IL10RB: variants seen among roughly 807,000 people sequenced by gnomAD.
IL10RB encodes interleukin 10 receptor subunit beta, also known as interleukin-10 receptor subunit beta.
A neutral mutation model predicts 38.7 loss-of-function variants in IL10RB; 30 were observed. That is an observed-to-expected ratio of 0.78 (90% CI 0.58 to 1.05). IL10RB has a LOEUF of 1.05. Among genes scored for constraint, IL10RB ranks in the 50% least tolerant of loss-of-function variants. IL10RB has a pLI of 0.00. For synonymous variants in IL10RB, 142 were observed against 145.9 expected (o/e 0.97, Z 0.19); for missense variants, 328 against 397.1 (o/e 0.83, Z 1.48).
Position 33,266,406 on chromosome 21 carries a change from C to T in IL10RB, c.-60C>T. 1.3e-6 allele frequency: 2 copies of T among 1,523,640 alleles called. No individual in the cohort carries two copies. The highest frequency in any genetic ancestry group is 1.2e-5 in the South Asian group (1 of 83,118). 94.4% of individuals were successfully genotyped at this position (1,523,640 alleles called of 1,614,324 possible). A position where few individuals can be genotyped will look rare whatever the true frequency, so the allele number is the denominator to read the frequency against. The stretch of plus-strand genomic sequence containing the variant: ...CCGGAAGCCGCCGCGGACAAGCTCT[C>T]CCGGGCGCGGGCGGGGGTCGTGTGC... On this transcript the variant is annotated 5_prime_UTR_variant, in exon 1 of 7. Coordinates refer to ENST00000290200, the MANE Select transcript of IL10RB (RefSeq NM_000628.5).
At chr21:33,268,560 C>A in intron 2 of IL10RB, 43 bp downstream of exon 2, 1 of 1,400,518 alleles carries the variant, frequency 7.1e-7, no homozygotes, top group Non-Finnish European at 1.0e-6. Context: ...CCGGAGGAGC[C>A]AGCCCTGGGC....
chr21:33,278,331 C>G (rs897808133), intron 3 of IL10RB, among the ~76,000 whole-genome samples: 2 of 152,272 alleles, frequency 1.3e-5, no homozygotes, highest in Middle Eastern at 3.4e-3. Context: ...GCTAGGATGC[C>G]TTTCTTCCCT....
intron 2 of IL10RB, among the ~76,000 whole-genome samples, chr21:33,272,064 T>C (rs1162881637): frequency 2.0e-5 from 3 of 152,184 alleles, no homozygotes; most frequent in Non-Finnish European, 4.4e-5. Context: ...ATTTTCCAAA[T>C]GATGGGATGT....
intron 5 of IL10RB, among the ~76,000 whole-genome samples, chr21:33,287,062 G>A (rs1383422756): frequency 1.3e-5 from 2 of 152,020 alleles, no homozygotes; most frequent in African/African-American, 4.8e-5. Flanking sequence ...TGTACTTCCT[G>A]ATGATTTCAA....
intron 5 of IL10RB, among the ~76,000 whole-genome samples, chr21:33,286,019 A>T (rs1279508022): frequency 6.6e-6 from 1 of 152,290 alleles, no homozygotes; most frequent in East Asian, 1.9e-4. Flanking sequence ...AGGAGTGCTG[A>T]AACCCGCAAG....
intron 2 of IL10RB, among the ~76,000 whole-genome samples, chr21:33,273,099 G>C (rs567713620): frequency 6.6e-6 from 1 of 152,326 alleles, no homozygotes; most frequent in East Asian, 1.9e-4. Context: ...GTCATGCAGT[G>C]TACTTGCACA....
chr21:33,305,110 T>C (rs1302546985), intron 1 of IL10RB, among the ~76,000 whole-genome samples: 1 of 152,156 alleles, frequency 6.6e-6, no homozygotes, highest in Non-Finnish European at 1.5e-5. Context: ...AGTCTTCAAC[T>C]GTTTTTGTTG....
chr21:33,278,108 T>C (rs1989212515), intron 3 of IL10RB, among the ~76,000 whole-genome samples: 1 of 150,368 alleles, frequency 6.7e-6, no homozygotes, highest in Non-Finnish European at 1.5e-5. Flanking sequence ...TCCCAGCTAC[T>C]TGGGAGGCTG....
chr21:33,295,310 A>G (rs1026850278), intron 6 of IL10RB, among the ~76,000 whole-genome samples: 2 of 144,994 alleles, frequency 1.4e-5, no homozygotes, highest in African/African-American at 5.2e-5. Flanking sequence ...GTGAGCTGAG[A>G]TCGCACCACT....
intron 1 of IL10RB, among the ~76,000 whole-genome samples, chr21:33,303,547 G>T (rs1380789519): frequency 1.7e-4 from 26 of 152,094 alleles, no homozygotes; most frequent in Admixed American, 1.7e-3. Flanking sequence ...TAGAGACGGG[G>T]TTTCACTATG....
intron 2 of IL10RB, among the ~76,000 whole-genome samples, chr21:33,271,727 C>CAA (rs34794407): frequency 2.7e-5 from 3 of 111,238 alleles, no homozygotes; most frequent in Non-Finnish European, 3.8e-5. Context: ...GACTCCATCT[C>CAA]AAAAAAAAAA....
At position 33,281,809 on chromosome 21, in the gene IL10RB, G is replaced by A. The variant is rs368484047; in HGVS notation, c.499-1285G>A. Among the ~76,000 whole-genome samples, 17 of 152,306 alleles carry A rather than the reference G, an allele frequency of 1.1e-4. No homozygotes were observed. In the East Asian group the frequency reaches 2.9e-3, roughly 26 times the overall value. ...CTAGAATGTAGAGATTCCTGAGGCG[G>A]TGCCAGACTAGGTCCCTAAACTCAC... On this transcript the variant is annotated intron_variant, in intron 4 of 6. Coordinates refer to ENST00000290200, the MANE Select transcript of IL10RB (RefSeq NM_000628.5).
Position 33,288,186 on chromosome 21 carries a change from C to G in IL10RB, c.729C>G (p.Ala243=). The G allele has an allele frequency of 1.2e-6, 2 of 1,614,068 alleles. No individual in the cohort carries two copies. Among genetic ancestry groups the G allele is most frequent in the South Asian group, 2.2e-5 (2 of 91,080 alleles). Residue 243 remains alanine, a synonymous_variant, in exon 6 of 7, where the codon GCC becomes GCG. Transcript: ENST00000290200. ...GCCTGGCACTCCTCGGCTGCTTCGC[C>G]TTGCTGTGGTGCGTTTACAAGAAGA... ...MVCLALLGCF[A]LLWCVYKKTK...
intron 3 of IL10RB, 68 bp from the exon 4 acceptor site, chr21:33,279,684 T>C (rs1389137753): frequency 5.1e-6 from 7 of 1,363,424 alleles, no homozygotes; most frequent in Non-Finnish European, 7.3e-6. Flanking sequence ...TGCATGGTTA[T>C]GAAAAATTAA....
At chr21:33,282,782 C>T (rs2123583562) in intron 4 of IL10RB, among the ~76,000 whole-genome samples, 1 of 152,136 alleles carries the variant, frequency 6.6e-6, no homozygotes, top group South Asian at 2.1e-4. Context: ...ACTCCTCAGT[C>T]CCCCAAAGTG....
intron 6 of IL10RB, among the ~76,000 whole-genome samples, chr21:33,291,773 G>A (rs1989492598): frequency 6.6e-6 from 1 of 152,182 alleles, no homozygotes; most frequent in Non-Finnish European, 1.5e-5. Context: ...CTTGCTACCA[G>A]GTGGCTGGTC....
chr21:33,286,217 C>T (rs945225717), intron 5 of IL10RB, among the ~76,000 whole-genome samples: 2 of 152,196 alleles, frequency 1.3e-5, no homozygotes, highest in Non-Finnish European at 2.9e-5. Context: ...AGCACCATGT[C>T]GTGCCAGCAG....
chr21:33,275,520 T>G (rs1422465146), intron 2 of IL10RB, among the ~76,000 whole-genome samples: 7 of 152,234 alleles, frequency 4.6e-5, no homozygotes, highest in Admixed American at 1.3e-4. Context: ...GTTAGGGTCT[T>G]GCTGTGGATT....
chr21:33,286,632 C>G (rs954589831), intron 5 of IL10RB, among the ~76,000 whole-genome samples: 1 of 152,114 alleles, frequency 6.6e-6, no homozygotes, highest in African/African-American at 2.4e-5. Context: ...AGGAGGATCG[C>G]TTGAACCCAG....
Sources: gnomAD v4.1 joint callset for allele counts (sites outside exome capture counted in the v4.1 genomes callset) on GRCh38, gnomAD v4.1.1 for gene constraint, MANE v1.5 for transcripts, NCBI Gene and HGNC (gene_info 2026-07-23, HGNC 2026-07-21) for gene names.